The following ADCY8 variants were observed in gnomAD, a reference collection of about 807,000 sequenced individuals.
ADCY8 encodes adenylate cyclase type 8.
A neutral mutation model predicts 119.7 loss-of-function variants in ADCY8; 51 were observed. That is an observed-to-expected ratio of 0.43 (90% CI 0.34 to 0.54). The LOEUF is 0.54. Ranked by LOEUF, ADCY8 falls within the 20% of genes least tolerant of loss-of-function variation. ADCY8 has a pLI of 0.03. For missense variants in ADCY8, 1,383 were observed against 1,598.8 expected (o/e 0.87, Z 2.30); for synonymous variants, 665 against 651.0 (o/e 1.02, Z -0.33).
intron 5 of ADCY8, among the ~76,000 whole-genome samples, chr8:130,924,649 C>A (rs548497384): frequency 7.9e-5 from 12 of 152,260 alleles, no homozygotes; most frequent in African/African-American, 2.9e-4. Context: ...CAGCACTACA[C>A]AGCTCCAATT....
At chr8:130,809,077 T>C (rs947151382) in intron 14 of ADCY8, among the ~76,000 whole-genome samples, 2 of 152,164 alleles carry the variant, frequency 1.3e-5, no homozygotes, top group African/African-American at 4.8e-5. Context: ...GCTGCCAGAA[T>C]GTTGGTGTGG....
intron 9 of ADCY8, among the ~76,000 whole-genome samples, chr8:130,865,241 A>G (rs759312940): frequency 3.3e-5 from 5 of 152,286 alleles, no homozygotes; most frequent in Non-Finnish European, 5.9e-5. Flanking sequence ...GACTTAAAAA[A>G]TGATGTTCTT....
Position 130,783,730 on chromosome 8 carries a change from TCTC to T in ADCY8, c.3226_3228del (p.Glu1076del), listed in dbSNP as rs761969844. Reference sequence around the variant, plus strand: ...AAATTGTTGAATGAATGCTTGTTGATCTCCTGTATGCTTTCTGTCAGGGCGAGT... The same window carrying T: ...AAATTGTTGAATGAATGCTTGTTGATCTGTATGCTTTCTGTCAGGGCGAGT... On this transcript the variant is annotated inframe_deletion, in exon 17 of 18. Coordinates refer to ENST00000286355, the MANE Select transcript of ADCY8 (RefSeq NM_001115.3). 1 of 1,613,436 alleles carries T rather than the reference TCTC, an allele frequency of 6.2e-7. No homozygotes were observed. Among genetic ancestry groups the T allele is most frequent in the Non-Finnish European group, 8.5e-7 (1 of 1,179,702 alleles).
chr8:131,030,393 CCCTT>C (rs1358737905), intron 1 of ADCY8, among the ~76,000 whole-genome samples: 1 of 152,204 alleles, frequency 6.6e-6, no homozygotes, highest in Non-Finnish European at 1.5e-5. Flanking sequence ...AAGATCCATA[CCCTT>C]CCACTATTTC....
At chr8:130,877,334 T>C (rs147427579) in intron 8 of ADCY8, among the ~76,000 whole-genome samples, 2 of 152,332 alleles carry the variant, frequency 1.3e-5, no homozygotes, top group African/African-American at 4.8e-5. Context: ...GCTTTATGTC[T>C]TCCTATATCA....
chr8:131,039,182 G>A (rs192930679), intron 1 of ADCY8, among the ~76,000 whole-genome samples, 192 bp downstream of exon 1: 68 of 152,320 alleles, frequency 4.5e-4, no homozygotes, highest in African/African-American at 1.6e-3. Context: ...GAAACTTTTA[G>A]AGGTCATTTA....
intron 14 of ADCY8, among the ~76,000 whole-genome samples, chr8:130,807,704 G>A (rs907353616): frequency 4.6e-5 from 7 of 152,030 alleles, no homozygotes; most frequent in African/African-American, 9.6e-5. Flanking sequence ...GGCCAGTATC[G>A]CCGGGCGCGG....
chr8:130,812,571 A>G (rs917334612), intron 14 of ADCY8, among the ~76,000 whole-genome samples: 1 of 152,258 alleles, frequency 6.6e-6, no homozygotes, highest in Non-Finnish European at 1.5e-5. Context: ...CCAAGTGGCC[A>G]CAGCCAAGAA....
intron 2 of ADCY8, among the ~76,000 whole-genome samples, chr8:130,986,102 A>G (rs901165011): frequency 2.6e-5 from 4 of 152,326 alleles, no homozygotes; most frequent in Admixed American, 1.3e-4. Flanking sequence ...CTAAATTAGA[A>G]TCTAACTCCC....
At chr8:130,875,292 A>T (rs1818519233) in intron 8 of ADCY8, among the ~76,000 whole-genome samples, 2 of 152,230 alleles carry the variant, frequency 1.3e-5, no homozygotes, top group Admixed American at 1.3e-4. Context: ...GGAGGCCAAG[A>T]TATTCATACT....
chr8:130,875,964 CA>C (rs1218877988), intron 8 of ADCY8, among the ~76,000 whole-genome samples: 3 of 152,104 alleles, frequency 2.0e-5, no homozygotes, highest in Non-Finnish European at 4.4e-5. Flanking sequence ...GCACTATTTA[CA>C]ATAGTTATCA....
intron 14 of ADCY8, among the ~76,000 whole-genome samples, chr8:130,806,117 C>T (rs1043260176): frequency 2.6e-5 from 4 of 152,152 alleles, no homozygotes; most frequent in Non-Finnish European, 5.9e-5. Flanking sequence ...GCGCTCGACC[C>T]CCACAGCTGT....
chr8:130,933,033 T>C lies in ADCY8; in HGVS notation c.1481+4040A>G, dbSNP rs964882383. On this transcript the variant is annotated intron_variant, in intron 5 of 17. Transcript: ENST00000286355. ...ATCTTACCAACAGAGCACTGGCCCC[T>C]TGTTGTCTTTCTGCACTCTGGGGAT... Among the ~76,000 whole-genome samples, 8 of 152,306 alleles carry C rather than the reference T, an allele frequency of 5.3e-5. No homozygotes were observed. In the East Asian group the frequency reaches 7.7e-4, roughly 15 times the overall value.
chr8:130,941,977 A>G (rs948349791), intron 4 of ADCY8, among the ~76,000 whole-genome samples: 1 of 152,142 alleles, frequency 6.6e-6, no homozygotes, highest in Non-Finnish European at 1.5e-5. Flanking sequence ...TCTCTACAAA[A>G]CTGTAATAAT....
chr8:130,964,095 G>C (rs1042244224), intron 2 of ADCY8, among the ~76,000 whole-genome samples: 1 of 152,120 alleles, frequency 6.6e-6, no homozygotes, highest in Non-Finnish European at 1.5e-5. Context: ...CCAAGTCCTC[G>C]TACGTCATGT....
At chr8:130,918,520 A>T (rs1820198991) in intron 5 of ADCY8, among the ~76,000 whole-genome samples, 1 of 152,228 alleles carries the variant, frequency 6.6e-6, no homozygotes, top group Non-Finnish European at 1.5e-5. Flanking sequence ...TTTTAAAAAA[A>T]CTATATTATG....
At chr8:130,979,533 C>T (rs1288136276) in intron 2 of ADCY8, among the ~76,000 whole-genome samples, 3 of 152,134 alleles carry the variant, frequency 2.0e-5, no homozygotes, top group Admixed American at 6.5e-5. Context: ...AGGGCTAGGG[C>T]CCTCCCAGTG....
At chr8:130,963,544 C>G (rs1586611371) in intron 2 of ADCY8, among the ~76,000 whole-genome samples, 1 of 152,126 alleles carries the variant, frequency 6.6e-6, no homozygotes, top group Non-Finnish European at 1.5e-5. Flanking sequence ...GTATTAGACG[C>G]TATAAATTTA....
At chr8:130,954,351 G>T (rs911293355) in intron 2 of ADCY8, among the ~76,000 whole-genome samples, 1 of 151,982 alleles carries the variant, frequency 6.6e-6, no homozygotes, top group African/African-American at 2.4e-5. Context: ...TTCATTCACA[G>T]GACCTAGTTA....
Sources: gnomAD v4.1 joint callset for allele counts (sites outside exome capture counted in the v4.1 genomes callset) on GRCh38, gnomAD v4.1.1 for gene constraint, MANE v1.5 for transcripts, NCBI Gene and HGNC (gene_info 2026-07-23, HGNC 2026-07-21) for gene names.